The following TTN variants were observed in gnomAD, a reference collection of about 807,000 sequenced individuals.
The protein encoded by TTN is titin.
TTN carries 1,525 observed loss-of-function variants against 3,223.0 expected under a neutral mutation model. That is an observed-to-expected ratio of 0.47 (90% CI 0.45 to 0.49). TTN has a LOEUF of 0.49. TTN is among the 20% of genes least tolerant of loss of function. The pLI, the probability that TTN is intolerant of heterozygous loss-of-function variation, is 0.00. For missense variants in TTN, 40,786 were observed against 43,424.0 expected (o/e 0.94, Z 5.40); for synonymous variants, 14,094 against 15,161.0 (o/e 0.93, Z 5.17).
chr2:178,551,120 A>T lies in TTN; in HGVS notation c.91411T>A (p.Cys30471Ser), dbSNP rs1699261466. 3.1e-6 allele frequency: 5 copies of T among 1,613,414 alleles called. 1 individual carries two copies. The highest frequency in any genetic ancestry group is 3.3e-5 in the Admixed American group (2 of 59,972). Residue 30471 changes from cysteine (C) to serine (S), a missense_variant, in exon 336 of 363, where the codon TGC (cysteine) becomes AGC (serine). Cys to Ser is a moderately radical substitution (Grantham distance 112). Transcript: ENST00000589042. ...CATTCACTGACGTCAGTAAAGTTGC[A>T]TCTCACCCAGCGTTCATTTCCTTGC... Reference protein sequence around the residue: ...KRQGNERWVRCNFTDVSECQY... With the variant: ...KRQGNERWVRSNFTDVSECQY...
In TTN at chr2:178,644,727, T is replaced by G; in HGVS notation, c.40409-111A>C. The stretch of plus-strand genomic sequence containing the variant: ...AGCTTTGCTTATAACCAGAAAGCAT[T>G]AATAACAGCCAAGAACAGCCTTCAA... On this transcript the variant is annotated intron_variant, in intron 217 of 362. Coordinates refer to ENST00000589042, the MANE Select transcript of TTN (RefSeq NM_001267550.2). The G allele has an allele frequency of 6.3e-6, 5 of 793,798 alleles. No individual in the cohort carries two copies. The South Asian group carries it at 8.1e-5, about 13-fold the overall frequency. 49.2% of individuals were successfully genotyped at this position (793,798 alleles called of 1,614,324 possible). A position where few individuals can be genotyped will look rare whatever the true frequency, so the allele number is the denominator to read the frequency against.
At position 178,532,369 on chromosome 2, in the gene TTN, C is replaced by T. The variant is rs771716923; in HGVS notation, c.104246G>A (p.Arg34749Gln). The T allele has an allele frequency of 3.2e-5, 52 of 1,613,856 alleles. No individual in the cohort carries two copies. Among genetic ancestry groups the T allele is most frequent in the African/African-American group, 1.1e-4 (8 of 74,900 alleles). The change falls in exon 358 of 363, where the codon CGG (arginine) becomes CAG (glutamine). Residue 34749 changes from arginine to glutamine, a missense_variant. Transcript: ENST00000589042. ...ASTSYAELRE[R>Q]HAQAAYRQPK... ...CTGTCTGTACGCAGCCTGGGCATGCCGTTCCCTCAGTTCTGCATAACTTGT... is the reference window on the plus strand; with the variant it reads ...CTGTCTGTACGCAGCCTGGGCATGCTGTTCCCTCAGTTCTGCATAACTTGT...
At chr2:178,587,460 TC>T (rs776208031) in intron 306 of TTN, 43 bp from the exon 307 acceptor site, 1 of 1,603,636 alleles carries the variant, frequency 6.2e-7, no homozygotes. Flanking sequence ...CTCCTCAGCA[TC>T]CCTATTAACA....
chr2:178,695,904 C>A lies in TTN; in HGVS notation c.31168G>T (p.Glu10390Ter). The A allele has an allele frequency of 6.8e-7, 1 of 1,464,360 alleles. No homozygotes were observed. The highest frequency in any genetic ancestry group is 9.0e-7 in the Non-Finnish European group (1 of 1,109,546). The allele number at this position is 1,464,360 out of a possible 1,614,324, so 90.7% of individuals were successfully genotyped here. A position where few individuals can be genotyped will look rare whatever the true frequency, so the allele number is the denominator to read the frequency against. Residue 10390 changes from glutamate to a stop codon, truncating the protein, a stop_gained, in exon 114 of 363, where the codon GAA becomes TAA. Coordinates refer to ENST00000589042, the MANE Select transcript of TTN (RefSeq NM_001267550.2). LOFTEE classifies it high-confidence loss of function. ...GEEEWEEAYQEREVIQVQKEV... is the reference protein window; with the variant it reads ...GEEEWEEAYQ ...TTTTGAACTTGAATTACTTCCCTTT[C>A]TTGGTAAGCCTCTTCCCACTCTTCC...
Position 178,571,725 on chromosome 2 carries a change from C to T in TTN, c.74407G>A (p.Val24803Ile). 6.2e-7 allele frequency: 1 copy of T among 1,613,458 alleles called. No individual in the cohort carries two copies. The highest frequency in any genetic ancestry group is 8.5e-7 in the Non-Finnish European group (1 of 1,179,588). Residue 24803 changes from valine (V) to isoleucine (I), a missense_variant, in exon 326 of 363, where the codon GTT becomes ATT. Val to Ile is a conservative substitution (Grantham distance 29). Transcript: ENST00000589042. ...GGCCCTGGTTTGTCAAGAACGATAA[C>T]ATTAAGGGTTTCAATAGCTTCACCA... The part of the protein sequence containing the change: ...SAGEAIETLN[V>I]IVLDKPGPPT...
rs879099217 is a variant in TTN, at chr2:178,731,886, A to G, written c.16989T>C (p.Thr5663=). ...DVMLLAEVAG[T]PPFEITWFKD... Reference sequence around the variant, plus strand: ...TGAACCAAGTGATCTCAAAGGGAGGAGTGCCTGCCACCTCAGCCAGCAACA... The same window carrying G: ...TGAACCAAGTGATCTCAAAGGGAGGGGTGCCTGCCACCTCAGCCAGCAACA... The change falls in exon 58 of 363, where the codon ACT becomes ACC. Residue 5663 remains threonine, a synonymous_variant. Coordinates refer to ENST00000589042, the MANE Select transcript of TTN (RefSeq NM_001267550.2). 7 of 1,613,626 alleles carry G rather than the reference A, an allele frequency of 4.3e-6. No individual in the cohort carries two copies. In the African/African-American group the frequency reaches 8.0e-5, roughly 18 times the overall value.
Position 178,609,948 on chromosome 2 carries a change from G to T in TTN, c.51475C>A (p.Pro17159Thr). 6.2e-7 allele frequency: 1 copy of T among 1,612,662 alleles called. No homozygotes were observed. The highest frequency in any genetic ancestry group is 8.5e-7 in the Non-Finnish European group (1 of 1,179,176). Residue 17159 changes from proline to threonine, a missense_variant, in exon 272 of 363, where the codon CCT becomes ACT. Pro to Thr is a conservative substitution (Grantham distance 38). Transcript: ENST00000589042. Reference sequence around the variant, plus strand: ...GTAATAGTCATTGCCTCCGCTGTAGGATTATGAACCTCTACATCTACAGGT... The same window carrying T: ...GTAATAGTCATTGCCTCCGCTGTAGTATTATGAACCTCTACATCTACAGGT... ...DPPVDVEVHN[P>T]TAEAMTITWK...
Position 178,730,779 on chromosome 2 carries a change from A to G in TTN, c.17754T>C (p.Pro5918=). ...TCTTCAGCTTTTTGGTGAATGAAGG[A>G]GGTATGATAAGATCTATTCAATGAA... is the stretch of plus-strand genomic sequence containing the variant. The part of the protein sequence containing the change: ...ARINVLDLII[P]PSFTKKLKKM... The change falls in exon 61 of 363, where the codon CCT becomes CCC. Residue 5918 remains proline (P), a synonymous_variant. Coordinates refer to ENST00000589042, the MANE Select transcript of TTN (RefSeq NM_001267550.2). 1 of 1,598,954 alleles carries G rather than the reference A, an allele frequency of 6.3e-7. No individual in the cohort carries two copies. The highest frequency in any genetic ancestry group is 8.5e-7 in the Non-Finnish European group (1 of 1,170,572).
chr2:178,611,879 G>A lies in TTN; in HGVS notation c.50430C>T (p.Asn16810=), dbSNP rs878854313. 1.9e-6 allele frequency: 3 copies of A among 1,612,804 alleles called. No homozygotes were observed. The highest frequency in any genetic ancestry group is 2.5e-6 in the Non-Finnish European group (3 of 1,179,308). Residue 16810 remains asparagine (N), a synonymous_variant, in exon 268 of 363, where the codon AAC becomes AAT. Coordinates refer to ENST00000589042, the MANE Select transcript of TTN (RefSeq NM_001267550.2). ...CTTCGATGACATCAGTTACTCTGAA[G>A]TTACAGTCAGGTCCTGCAGTCTTTC... The part of the protein sequence containing the change: ...KAGKTAGPDC[N]FRVTDVIEGT...
rs1352966588 is a variant in TTN, at chr2:178,728,572, T to C, written c.19354A>G (p.Ser6452Gly). The C allele has an allele frequency of 1.2e-5, 20 of 1,613,206 alleles. No individual in the cohort carries two copies. The highest frequency in any genetic ancestry group is 2.2e-5 in the East Asian group (1 of 44,764). ...TCCACCTTGAAAGTGTACTGACCGC[T>C]GTCCTGCTTCATTACTGACTGAATT... Reference protein sequence around the residue: ...FRIQSVMKQDSGQYTFKVEND... With the variant: ...FRIQSVMKQDGGQYTFKVEND... Residue 6452 changes from serine to glycine, a missense_variant, in exon 66 of 363, where the codon AGC (serine) becomes GGC (glycine). Transcript: ENST00000589042.
In TTN at chr2:178,794,607, A is replaced by C. The variant is rs2291303; in HGVS notation, c.1246-56T>G. The C allele has an allele frequency of 0.024, 38,949 of 1,610,210 alleles. 1,826 individuals are homozygous for C. The highest frequency in any genetic ancestry group is 0.17 in the African/African-American group (12,721 of 74,952). ...TTTTAAATGACATGCCCAGTAGAAA[A>C]TAAAAAAGCATACTGGAAAACTGAG... On this transcript the variant is annotated intron_variant, in intron 7 of 362. Coordinates refer to ENST00000589042, the MANE Select transcript of TTN (RefSeq NM_001267550.2).
In TTN at chr2:178,667,619, G is replaced by T; in HGVS notation, c.35629+19C>A. 6.3e-7 allele frequency: 1 copy of T among 1,585,944 alleles called. No homozygotes were observed. The highest frequency in any genetic ancestry group is 8.5e-7 in the Non-Finnish European group (1 of 1,173,008). ...CAAAAAATAATTTTTCTTCAGAGTGGATCATTGGTGTTATATACCTTTTGC... is the reference window on the plus strand; with the variant it reads ...CAAAAAATAATTTTTCTTCAGAGTGTATCATTGGTGTTATATACCTTTTGC... On this transcript the variant is annotated intron_variant, in intron 160 of 362. Transcript: ENST00000589042.
intron 15 of TTN, among the ~76,000 whole-genome samples, chr2:178,784,564 T>C (rs529837720): frequency 6.6e-6 from 1 of 152,222 alleles, no homozygotes; most frequent in Non-Finnish European, 1.5e-5. Context: ...AATTTTAAAA[T>C]ATCTTTTTTA....
chr2:178,695,421 AAC>A lies in TTN; in HGVS notation c.31208-13_31208-12del, dbSNP rs1211107608. The A allele has an allele frequency of 6.2e-7, 1 of 1,611,208 alleles. No homozygotes were observed. The highest frequency in any genetic ancestry group is 1.7e-5 in the Admixed American group (1 of 59,982). ...TTCTCTCATGTGATTCTGAAATAAA[AAC>A]ACAGGAATAAGAAGGGATGCTTAAA... On this transcript the variant is annotated splice_polypyrimidine_tract_variant and intron_variant, in intron 114 of 362. Coordinates refer to ENST00000589042, the MANE Select transcript of TTN (RefSeq NM_001267550.2).
intron 10 of TTN, 139 bp downstream of exon 10, chr2:178,791,932 TA>T: frequency 1.2e-6 from 1 of 849,472 alleles, no homozygotes; most frequent in South Asian, 1.7e-5. Flanking sequence ...TGAGTTTCAA[TA>T]CTAGACATAG....
chr2:178,756,798 C>T lies in TTN; in HGVS notation c.10679-1G>A, dbSNP rs1177995126. ...GAACTTTGCCTATCTAGGGCTTGCA[C>T]TGTATAATCAAGTGACAAGAAAAAG... On this transcript the variant is annotated splice_acceptor_variant, in intron 45 of 362. Coordinates refer to ENST00000589042, the MANE Select transcript of TTN (RefSeq NM_001267550.2). LOFTEE classifies it high-confidence loss of function. 6.2e-7 allele frequency: 1 copy of T among 1,612,598 alleles called. No homozygotes were observed. The highest frequency in any genetic ancestry group is 8.5e-7 in the Non-Finnish European group (1 of 1,179,182).
At chr2:178,651,627 A>T in intron 206 of TTN, 39 bp downstream of exon 206, 1 of 1,612,466 alleles carries the variant, frequency 6.2e-7, no homozygotes. Context: ...CACTTCAAAG[A>T]AAGTTTTTTG....
intron 318 of TTN, 34 bp from the exon 319 acceptor site, chr2:178,579,882 C>T (rs1340161625): frequency 6.2e-7 from 1 of 1,611,992 alleles, no homozygotes; most frequent in African/African-American, 1.3e-5. Flanking sequence ...GTGTAAGCCC[C>T]ATATAACAAA....
In TTN at chr2:178,740,691, G is replaced by A; in HGVS notation, c.12542C>T (p.Thr4181Ile). Residue 4181 changes from threonine to isoleucine, a missense_variant, in exon 48 of 363, where the codon ACC becomes ATC. Physicochemically the swap from Thr to Ile is moderately conservative, Grantham distance 89 (BLOSUM62 -1). Transcript: ENST00000589042. ...CATGGCACTTGGGAAGATTTTCTCG[G>A]TATCTGATAGAACTGCCTGTGTCTC... ...EPETQAVLSD[T>I]EKIFPSAMSI... The A allele has an allele frequency of 1.2e-6, 2 of 1,613,798 alleles. No individual in the cohort carries two copies. The highest frequency in any genetic ancestry group is 1.7e-6 in the Non-Finnish European group (2 of 1,179,810).
Sources: gnomAD v4.1 joint callset for allele counts (sites outside exome capture counted in the v4.1 genomes callset) on GRCh38, gnomAD v4.1.1 for gene constraint, MANE v1.5 for transcripts, NCBI Gene and HGNC (gene_info 2026-07-23, HGNC 2026-07-21) for gene names.